Variants in LYPD6B observed in about 807,000 individuals in gnomAD.
The protein encoded by LYPD6B is LY6/PLAUR domain containing 6B, also known as ly6/PLAUR domain-containing protein 6B.
Under a neutral mutation model 22.8 loss-of-function variants are expected in LYPD6B, and 17 were observed. That is an observed-to-expected ratio of 0.75 (90% confidence interval 0.51 to 1.12). The LOEUF (loss-of-function observed/expected upper bound fraction) is 1.12, where lower values mean the gene tolerates loss of function less well. LYPD6B is among the 50% of genes most tolerant of loss of function. The probability of loss-of-function intolerance (pLI) is 0.00; values close to 1 mark genes in which losing one functional copy is unlikely to be tolerated. For missense variants in LYPD6B, 221 were observed against 258.3 expected, an observed-to-expected ratio of 0.86 and a Z score of 0.99; for synonymous variants, 106 against 91.6, an observed-to-expected ratio of 1.16 and a Z score of -0.90.
intron 1 of LYPD6B, among the ~76,000 whole-genome samples, chr2:149,050,337 C>G (rs1020742639): frequency 4.6e-5 from 7 of 152,156 alleles, no homozygotes; most frequent in African/African-American, 1.4e-4. Context: ...TACTGCTCTT[C>G]ATGATCCATT....
At chr2:149,082,037 ACTT>A (rs1685159747) in intron 1 of LYPD6B, among the ~76,000 whole-genome samples, 1 of 152,082 alleles carries the variant, frequency 6.6e-6, no homozygotes, top group Admixed American at 6.6e-5. Flanking sequence ...GGTTTCCCAC[ACTT>A]CTTTTTTACA....
chr2:149,114,827 C>T (rs1331519784), intron 1 of LYPD6B, among the ~76,000 whole-genome samples: 2 of 152,122 alleles, frequency 1.3e-5, no homozygotes, highest in East Asian at 1.9e-4. Flanking sequence ...TTTAGATATA[C>T]CATAATGACT....
chr2:149,214,618 G>T lies in LYPD6B; in HGVS notation c.532G>T (p.Ala178Ser). The T allele has an allele frequency of 6.2e-7, 1 of 1,613,924 alleles. No homozygotes were observed. Among genetic ancestry groups the T allele is most frequent in the South Asian group, 1.1e-5 (1 of 91,086 alleles). Residue 178 changes from alanine (A) to serine (S), a missense_variant, in exon 7 of 7, where the codon GCC (alanine) becomes TCC (serine). Transcript: ENST00000409642. ...LPTNHTNAVF[A>S]VMHAQRTSGS... is the part of the protein sequence containing the mutation. ...CACCAATCACACTAATGCAGTGTTT[G>T]CCGTAATGCACGCTCAGAGAACATC... is the stretch of plus-strand genomic sequence containing the variant.
intron 1 of LYPD6B, among the ~76,000 whole-genome samples, chr2:149,082,275 T>G (rs1484970451): frequency 2.0e-5 from 3 of 152,204 alleles, no homozygotes. Flanking sequence ...AAATGGCCGA[T>G]TAGGGAGGCC....
chr2:149,180,586 C>T (rs1691645133), intron 3 of LYPD6B, among the ~76,000 whole-genome samples: 2 of 152,218 alleles, frequency 1.3e-5, no homozygotes, highest in Non-Finnish European at 2.9e-5. Flanking sequence ...TAACTAGACC[C>T]TCTTTCCTAC....
chr2:149,093,445 G>T (rs1222312189), intron 1 of LYPD6B, among the ~76,000 whole-genome samples: 4 of 152,174 alleles, frequency 2.6e-5, no homozygotes, highest in Non-Finnish European at 4.4e-5. Flanking sequence ...CACAGTATTC[G>T]AAAAGGAAGT....
In LYPD6B at chr2:149,038,878, G is replaced by C. The variant is rs530732842; in HGVS notation, c.-67+77G>C. Reference sequence around the variant, plus strand: ...CACCCCGCGCCGGAGCGAGTGCGGGGCCGCGCGACTGCGGCGGGAGATGCG... The same window carrying C: ...CACCCCGCGCCGGAGCGAGTGCGGGCCCGCGCGACTGCGGCGGGAGATGCG... On this transcript the variant is annotated intron_variant, in intron 1 of 6. Coordinates refer to ENST00000409642, the MANE Select transcript of LYPD6B (RefSeq NM_177964.5). 4 of 150,574 alleles carry C rather than the reference G, an allele frequency of 2.7e-5. No individual in the cohort carries two copies. The East Asian group carries it at 7.8e-4, about 29-fold the overall frequency. 9.3% of individuals were successfully genotyped at this position (150,574 alleles called of 1,614,324 possible).
chr2:149,108,114 T>C (rs1404583986), intron 1 of LYPD6B, among the ~76,000 whole-genome samples: 2 of 152,116 alleles, frequency 1.3e-5, no homozygotes, highest in Non-Finnish European at 2.9e-5. Flanking sequence ...GTTCTCTTGA[T>C]AGTAAGTCTC....
At chr2:149,063,514 CTG>C (rs1388487767) in intron 1 of LYPD6B, among the ~76,000 whole-genome samples, 2 of 152,194 alleles carry the variant, frequency 1.3e-5, no homozygotes, top group African/African-American at 4.8e-5. Flanking sequence ...TAATGTCTGA[CTG>C]AGATTTCTTA....
At chr2:149,136,318 A>G (rs1038180280) in intron 2 of LYPD6B, among the ~76,000 whole-genome samples, 1 of 152,176 alleles carries the variant, frequency 6.6e-6, no homozygotes, top group East Asian at 1.9e-4. Context: ...AAGAAGCATT[A>G]TTTTCAATAT....
At chr2:149,071,774 G>A (rs1389771522) in intron 1 of LYPD6B, among the ~76,000 whole-genome samples, 1 of 152,070 alleles carries the variant, frequency 6.6e-6, no homozygotes, top group Non-Finnish European at 1.5e-5. Flanking sequence ...AGAAGACCAG[G>A]GAATCAAAGA....
intron 2 of LYPD6B, among the ~76,000 whole-genome samples, chr2:149,140,434 CGAGGTCCA>C (rs1487903116): frequency 6.6e-6 from 1 of 152,036 alleles, no homozygotes; most frequent in Non-Finnish European, 1.5e-5. Flanking sequence ...TAGTGCTAAG[CGAGGTCCA>C]GAGAAGGTAA....
At chr2:149,129,883 G>A (rs933712699) in intron 1 of LYPD6B, among the ~76,000 whole-genome samples, 37 of 152,046 alleles carry the variant, frequency 2.4e-4, no homozygotes, top group African/African-American at 8.7e-4. Flanking sequence ...GGTCAGCCTG[G>A]GACCTGCCAA....
intron 3 of LYPD6B, among the ~76,000 whole-genome samples, chr2:149,180,010 A>C (rs1374177935): frequency 6.6e-6 from 1 of 152,170 alleles, no homozygotes; most frequent in Non-Finnish European, 1.5e-5. Context: ...TCAGAAATGG[A>C]AAGTTTGTCC....
chr2:149,084,757 G>C (rs147882837), intron 1 of LYPD6B, among the ~76,000 whole-genome samples: 1 of 152,196 alleles, frequency 6.6e-6, no homozygotes, highest in African/African-American at 2.4e-5. Context: ...CTGTTGACCT[G>C]TGGTGTTATG....
intron 3 of LYPD6B, among the ~76,000 whole-genome samples, chr2:149,184,968 G>T (rs1392237930): frequency 6.6e-6 from 1 of 152,104 alleles, no homozygotes; most frequent in Non-Finnish European, 1.5e-5. Flanking sequence ...ATATGACTTT[G>T]CTTTCTCTTC....
At chr2:149,040,216 TC>T (rs375870714) in intron 1 of LYPD6B, among the ~76,000 whole-genome samples, 54,417 of 137,966 alleles carry the variant, frequency 0.39, 11,113 homozygotes, top group East Asian at 0.71. Flanking sequence ...TCTCTCTCTC[TC>T]TCTCTTTTTT....
At chr2:149,100,470 T>A (rs1352595287) in intron 1 of LYPD6B, among the ~76,000 whole-genome samples, 1 of 148,448 alleles carries the variant, frequency 6.7e-6, no homozygotes, top group Non-Finnish European at 1.5e-5. Context: ...AGGGTCCATT[T>A]GTCTCTGGGT....
chr2:149,076,356 A>G (rs1684878824), intron 1 of LYPD6B, among the ~76,000 whole-genome samples: 1 of 152,198 alleles, frequency 6.6e-6, no homozygotes, highest in African/African-American at 2.4e-5. Context: ...AGCATATAAT[A>G]AGAAGTGATA....
Sources: allele counts gnomAD v4.1 joint callset (sites outside exome capture counted in the v4.1 genomes callset), GRCh38; gene constraint gnomAD v4.1.1; transcripts MANE v1.5; gene names NCBI Gene and HGNC (gene_info 2026-07-23, HGNC 2026-07-21).